The following FAM184A variants were observed in gnomAD, a reference collection of about 807,000 sequenced individuals.
FAM184A encodes the protein family with sequence similarity 184 member A, also known as protein FAM184A.
A neutral mutation model predicts 143.8 loss-of-function variants in FAM184A; 99 were observed. The ratio of observed to expected loss-of-function variants is 0.69; its 90% CI spans 0.58 to 0.81. The LOEUF is 0.81. FAM184A is among the 40% of genes least tolerant of loss of function. The pLI, the probability that FAM184A is intolerant of heterozygous loss-of-function variation, is 0.00. For missense variants in FAM184A, 1,217 were observed against 1,310.5 expected (o/e 0.93, Z 1.10); for synonymous variants, 427 against 446.4 (o/e 0.96, Z 0.55).
chr6:118,993,851 T>C (rs1040155422), intron 9 of FAM184A, among the ~76,000 whole-genome samples: 17 of 152,212 alleles, frequency 1.1e-4, no homozygotes, highest in African/African-American at 4.1e-4. Context: ...TCACAGTATT[T>C]GAATATTTCA....
At chr6:118,974,735 C>T (rs1385743010) in intron 13 of FAM184A, among the ~76,000 whole-genome samples, 161 bp from the exon 14 acceptor site, 3 of 152,086 alleles carry the variant, frequency 2.0e-5, no homozygotes, top group Non-Finnish European at 2.9e-5. Context: ...AAGCTTCTGG[C>T]TTTGTTAAAG....
chr6:119,032,274 C>CA (rs1196177096), intron 1 of FAM184A, among the ~76,000 whole-genome samples: 94 of 126,832 alleles, frequency 7.4e-4, no homozygotes, highest in Middle Eastern at 4.1e-3. Flanking sequence ...TGTCTCAAAA[C>CA]AAAAAAAAAA....
intron 1 of FAM184A, among the ~76,000 whole-genome samples, chr6:119,140,916 G>C (rs974917939): frequency 6.6e-6 from 1 of 152,178 alleles, no homozygotes; most frequent in Non-Finnish European, 1.5e-5. Context: ...TCCTCCCCAG[G>C]CTTTCCAGCA....
intron 1 of FAM184A, among the ~76,000 whole-genome samples, chr6:119,060,436 G>A (rs901043852): frequency 6.6e-6 from 1 of 152,170 alleles, no homozygotes; most frequent in Non-Finnish European, 1.5e-5. Context: ...GTCTAGTACA[G>A]ATAAAGAATG....
At chr6:119,094,853 T>C (rs1172323567) in intron 1 of FAM184A, among the ~76,000 whole-genome samples, 1 of 152,024 alleles carries the variant, frequency 6.6e-6, no homozygotes, top group Non-Finnish European at 1.5e-5. Context: ...TGAGGAACCA[T>C]GTGGAATACA....
At chr6:119,141,627 C>T (rs1772239558) in intron 1 of FAM184A, among the ~76,000 whole-genome samples, 1 of 152,090 alleles carries the variant, frequency 6.6e-6, no homozygotes. Context: ...CAGGTGTGTG[C>T]CACCATGCCC....
At chr6:119,132,451 G>A (rs72955077) in intron 1 of FAM184A, among the ~76,000 whole-genome samples, 29 of 152,344 alleles carry the variant, frequency 1.9e-4, no homozygotes, top group Non-Finnish European at 3.5e-4. Context: ...CCACAAGAGA[G>A]CATTAAAATT....
At chr6:119,127,821 ATCATTCATGCAT>A (rs1391962053) in intron 1 of FAM184A, among the ~76,000 whole-genome samples, 1 of 152,032 alleles carries the variant, frequency 6.6e-6, no homozygotes, top group Non-Finnish European at 1.5e-5. Context: ...AGGTCATTCC[ATCATTCATGCAT>A]TCATTCATTC....
At chr6:119,002,808 A>C (rs1784802836) in intron 9 of FAM184A, 91 bp downstream of exon 9, 1 of 1,177,164 alleles carries the variant, frequency 8.5e-7, no homozygotes, top group African/African-American at 1.5e-5. Flanking sequence ...AAAATAACAA[A>C]ATTCAGTGAA....
intron 6 of FAM184A, among the ~76,000 whole-genome samples, chr6:119,010,019 T>G (rs749402910): frequency 7.9e-5 from 12 of 152,180 alleles, no homozygotes; most frequent in Non-Finnish European, 1.5e-4. Context: ...AGGCAGCTGC[T>G]AGGCCATGTG....
intron 1 of FAM184A, among the ~76,000 whole-genome samples, chr6:119,070,833 G>T (rs1374559010): frequency 6.6e-6 from 1 of 151,626 alleles, no homozygotes; most frequent in Non-Finnish European, 1.5e-5. Context: ...ATGGCGTTAC[G>T]AACTCCCGTC....
At chr6:119,133,372 G>C (rs1223314744) in intron 1 of FAM184A, among the ~76,000 whole-genome samples, 1 of 152,124 alleles carries the variant, frequency 6.6e-6, no homozygotes, top group African/African-American at 2.4e-5. Context: ...ACTCCGAAAT[G>C]GAGATTAACA....
chr6:119,009,632 T>C (rs1785030610), intron 6 of FAM184A: 1 of 152,260 alleles, frequency 6.6e-6, no homozygotes, highest in African/African-American at 2.4e-5. Context: ...ATTCTTACAA[T>C]TCCTAGAAAT....
intron 1 of FAM184A, among the ~76,000 whole-genome samples, chr6:119,135,126 C>T (rs1435907082): frequency 6.6e-6 from 1 of 152,156 alleles, no homozygotes; most frequent in East Asian, 1.9e-4. Flanking sequence ...TTGTGGTATA[C>T]TTATACAGTG....
chr6:119,112,355 C>T (rs2114849685), intron 1 of FAM184A, among the ~76,000 whole-genome samples: 1 of 152,200 alleles, frequency 6.6e-6, no homozygotes, highest in South Asian at 2.1e-4. Flanking sequence ...CTCGAACTCC[C>T]AACCTCAGGT....
intron 17 of FAM184A, chr6:118,960,802 T>C (rs1256023283): frequency 1.5e-6 from 2 of 1,365,714 alleles, no homozygotes; most frequent in South Asian, 2.3e-5. Flanking sequence ...CACGCAACAA[T>C]GTGTAATGGA....
chr6:119,107,757 GAC>G (rs1788824076), intron 1 of FAM184A, among the ~76,000 whole-genome samples: 1 of 141,246 alleles, frequency 7.1e-6, no homozygotes, highest in East Asian at 2.1e-4. Flanking sequence ...CAGCCTGGGT[GAC>G]AGAGTGAGAC....
intron 1 of FAM184A, among the ~76,000 whole-genome samples, chr6:119,060,712 C>T (rs1443206380): frequency 6.6e-6 from 1 of 152,042 alleles, no homozygotes; most frequent in Non-Finnish European, 1.5e-5. Flanking sequence ...TTAGCACCAT[C>T]CCCCTCTTGG....
chr6:119,069,098 G>A (rs188182113), intron 1 of FAM184A: 8 of 356,936 alleles, frequency 2.2e-5, no homozygotes, highest in Non-Finnish European at 3.1e-5. Flanking sequence ...TGAAAATAAA[G>A]GCCAAAACCA....
Sources: gnomAD v4.1 joint callset for allele counts (sites outside exome capture counted in the v4.1 genomes callset) on GRCh38, gnomAD v4.1.1 for gene constraint, MANE v1.5 for transcripts, NCBI Gene and HGNC (gene_info 2026-07-23, HGNC 2026-07-21) for gene names.